EML5: variants seen among roughly 807,000 people sequenced by gnomAD.
EML5 encodes EMAP like 5.
Under a neutral mutation model 250.0 loss-of-function variants are expected in EML5, and 120 were observed. The observed-to-expected ratio is 0.48, with a 90% CI of 0.41 to 0.56. The LOEUF is 0.56. Among genes scored for constraint, EML5 ranks in the 20% least tolerant of loss-of-function variants. EML5 has a pLI of 0.00. For missense variants in EML5, 2,006 were observed against 2,437.6 expected, an observed-to-expected ratio of 0.82 and a Z score of 3.73; for synonymous variants, 771 against 806.5, an observed-to-expected ratio of 0.96 and a Z score of 0.75.
At chr14:88,772,618 T>C (rs1242857677) in intron 1 of EML5, among the ~76,000 whole-genome samples, 1 of 152,022 alleles carries the variant, frequency 6.6e-6, no homozygotes, top group Non-Finnish European at 1.5e-5. Flanking sequence ...CAAGGCGTGG[T>C]GGTGCGTGCC....
At chr14:88,639,461 C>T (rs1144919) in intron 31 of EML5, among the ~76,000 whole-genome samples, 127,629 of 152,152 alleles carry the variant, frequency 0.84, 54,047 homozygotes, top group East Asian at 0.92. Context: ...TTTGGTTTCT[C>T]AAAGAAAAGG....
At chr14:88,637,509 A>G (rs924602332) in intron 32 of EML5, among the ~76,000 whole-genome samples, 1 of 152,192 alleles carries the variant, frequency 6.6e-6, no homozygotes, top group Non-Finnish European at 1.5e-5. Context: ...GGAGAAGCCA[A>G]GGTGGGAAAT....
intron 21 of EML5, among the ~76,000 whole-genome samples, chr14:88,674,137 C>T (rs796773372): frequency 1.3e-5 from 2 of 152,028 alleles, no homozygotes; most frequent in Non-Finnish European, 2.9e-5. Flanking sequence ...GGCATGGTAG[C>T]GCATGTCTGT....
At chr14:88,694,710 T>C (rs1035941790) in intron 16 of EML5, among the ~76,000 whole-genome samples, 1 of 152,220 alleles carries the variant, frequency 6.6e-6, no homozygotes, top group Admixed American at 6.5e-5. Flanking sequence ...AAGTCAATTT[T>C]AAAACAATAC....
chr14:88,627,260 C>A (rs1000441227), intron 34 of EML5: 3 of 572,300 alleles, frequency 5.2e-6, no homozygotes, highest in Non-Finnish European at 6.2e-6. Context: ...CTTTATATAA[C>A]GTAAATGTTT....
At chr14:88,766,064 T>TA (rs1211989092) in intron 1 of EML5, among the ~76,000 whole-genome samples, 2 of 152,246 alleles carry the variant, frequency 1.3e-5, no homozygotes, top group Non-Finnish European at 2.9e-5. Context: ...CCCCAATCAA[T>TA]ACTCTTGCGA....
chr14:88,771,107 A>G (rs1445452777), intron 1 of EML5, among the ~76,000 whole-genome samples: 1 of 152,236 alleles, frequency 6.6e-6, no homozygotes, highest in Non-Finnish European at 1.5e-5. Flanking sequence ...ATGCAAATAT[A>G]TCAATGTTCC....
chr14:88,621,726 C>A, intron 37 of EML5: 1 of 303,816 alleles, frequency 3.3e-6, no homozygotes, highest in Non-Finnish European at 6.6e-6. Context: ...TATAAATACA[C>A]TTAATAAGTA....
chr14:88,706,343 T>C lies in EML5; in HGVS notation c.1741A>G (p.Ile581Val), dbSNP rs959444467. ...WSHDYQWVISIGGADHSVFQW... is the reference protein window; with the variant it reads ...WSHDYQWVISVGGADHSVFQW... ...AAGACAGAGTGATCTGCTCCACCAA[T>C]AGAAATAACCCACTGATAATCATGT... The change falls in exon 11 of 44, where the codon ATT becomes GTT. Residue 581 changes from isoleucine (I) to valine (V), a missense_variant. Physicochemically the swap from Ile to Val is conservative, Grantham distance 29. Transcript: ENST00000554922. 4.3e-6 allele frequency: 7 copies of C among 1,610,410 alleles called. No homozygotes were observed. The highest frequency in any genetic ancestry group is 5.1e-6 in the Non-Finnish European group (6 of 1,178,352).
intron 7 of EML5, among the ~76,000 whole-genome samples, chr14:88,732,340 T>C (rs1185104493): frequency 6.6e-6 from 1 of 152,198 alleles, no homozygotes; most frequent in African/African-American, 2.4e-5. Context: ...CCCCATTTCT[T>C]GTTTTTGTCA....
At chr14:88,699,312 G>C (rs2093154496) in intron 14 of EML5, among the ~76,000 whole-genome samples, 1 of 152,040 alleles carries the variant, frequency 6.6e-6, no homozygotes, top group Non-Finnish European at 1.5e-5. Flanking sequence ...AGTTTACAAA[G>C]AGGCAAATAG....
chr14:88,740,748 G>A (rs945332624), intron 4 of EML5, among the ~76,000 whole-genome samples, 176 bp from the exon 5 acceptor site: 8 of 152,144 alleles, frequency 5.3e-5, no homozygotes, highest in Non-Finnish European at 8.8e-5. Flanking sequence ...CAAAAGCTAC[G>A]TTATAGCATA....
chr14:88,680,922 CAAAACAAA>C (rs1458515349), intron 21 of EML5, among the ~76,000 whole-genome samples: 4 of 150,934 alleles, frequency 2.7e-5, no homozygotes, highest in African/African-American at 7.3e-5. Context: ...AAACAAAAAC[CAAAACAAA>C]AAAACAAGAA....
intron 9 of EML5, among the ~76,000 whole-genome samples, chr14:88,714,311 T>G (rs533359090): frequency 6.6e-5 from 10 of 152,210 alleles, no homozygotes; most frequent in Non-Finnish European, 1.5e-4. Flanking sequence ...GAATCTGTTT[T>G]AGATCCTCCA....
Position 88,732,126 on chromosome 14 carries a change from G to A in EML5, c.1049+4238C>T, listed in dbSNP as rs1236555742. ...TGCCATTGCTTTTGGTGTTTTAGAC[G>A]TGAAGTCCTTGCCCATGCCTATGTC... On this transcript the variant is annotated intron_variant, in intron 7 of 43. Transcript: ENST00000554922. Among the ~76,000 whole-genome samples the A allele has an allele frequency of 5.4e-4, 82 of 151,824 alleles. 2 individuals are homozygous for A. In the South Asian group the frequency reaches 5.4e-3, roughly 10 times the overall value.
Position 88,712,313 on chromosome 14 carries a change from A to T in EML5, c.1615T>A (p.Tyr539Asn), listed in dbSNP as rs1445377928. 6.2e-7 allele frequency: 1 copy of T among 1,612,282 alleles called. No homozygotes were observed. The highest frequency in any genetic ancestry group is 8.5e-7 in the Non-Finnish European group (1 of 1,178,978). Residue 539 changes from tyrosine to asparagine, a missense_variant, in exon 10 of 44, where the codon TAT becomes AAT. Physicochemically the swap from Tyr to Asn is moderately radical, Grantham distance 143 (BLOSUM62 -2). This residue lies in a region of EML5 where 1,375 missense variants were observed against 1,590.3 expected (regional missense o/e 0.86). Transcript: ENST00000554922. ...IGQVLVTADD[Y>N]GIIKLFRYPC... is the part of the protein sequence containing the mutation. ...TATCGGAATAATTTTATAATTCCAT[A>T]GTCATCAGCTGTAACTAAAACTTGG...
chr14:88,769,313 C>T (rs773973817), intron 1 of EML5, among the ~76,000 whole-genome samples: 5 of 152,136 alleles, frequency 3.3e-5, no homozygotes, highest in East Asian at 1.9e-4. Context: ...CTCCCCACCT[C>T]GCTTCCTTCT....
chr14:88,670,708 T>C (rs1389647993), intron 21 of EML5, among the ~76,000 whole-genome samples: 1 of 152,044 alleles, frequency 6.6e-6, no homozygotes, highest in Non-Finnish European at 1.5e-5. Context: ...GAATAACCAG[T>C]TTAGAGAAGA....
chr14:88,770,660 G>A (rs544033376), intron 1 of EML5, among the ~76,000 whole-genome samples: 1 of 152,270 alleles, frequency 6.6e-6, no homozygotes, highest in East Asian at 1.9e-4. Flanking sequence ...GAGAATGAAA[G>A]CATGAGTGTT....
Sources: allele counts gnomAD v4.1 joint callset (sites outside exome capture counted in the v4.1 genomes callset), GRCh38; gene constraint gnomAD v4.1.1; regional missense constraint gnomAD v4.1.1; transcripts MANE v1.5; gene names NCBI Gene and HGNC (gene_info 2026-07-23, HGNC 2026-07-21).